The following MTSS1 variants were observed in gnomAD, a reference collection of about 807,000 sequenced individuals.
MTSS1 encodes protein MTSS 1.
Under a neutral mutation model 79.0 loss-of-function variants are expected in MTSS1, and 18 were observed. The observed-to-expected ratio is 0.23, with a 90% CI of 0.16 to 0.34. MTSS1 has a LOEUF of 0.34. Ranked by LOEUF, MTSS1 falls within the 10% of genes least tolerant of loss-of-function variation. MTSS1 has a pLI of 1.00. For synonymous variants in MTSS1, 341 were observed against 368.6 expected, an observed-to-expected ratio of 0.93 and a Z score of 0.86; for missense variants, 815 against 986.2, an observed-to-expected ratio of 0.83 and a Z score of 2.33.
intron 3 of MTSS1, among the ~76,000 whole-genome samples, chr8:124,652,331 G>A (rs1425399784): frequency 1.3e-5 from 2 of 151,934 alleles, no homozygotes; most frequent in Non-Finnish European, 2.9e-5. Context: ...ATGCCACCAT[G>A]CCTGGCTAAT....
chr8:124,631,775 C>T (rs1001118433), intron 3 of MTSS1, among the ~76,000 whole-genome samples: 17 of 152,188 alleles, frequency 1.1e-4, no homozygotes, highest in African/African-American at 4.1e-4. Context: ...CCCATTGTGC[C>T]TTGGGTGGCT....
At chr8:124,624,808 G>T (rs1412364782) in intron 3 of MTSS1, among the ~76,000 whole-genome samples, 1 of 152,230 alleles carries the variant, frequency 6.6e-6, no homozygotes, top group Non-Finnish European at 1.5e-5. Context: ...CGCAGAGCGG[G>T]GAGGTGTGGG....
chr8:124,552,826 A>G lies in MTSS1; in HGVS notation c.*166T>C. ...AAAAGATCAAGATTATGTCAGTTACATAGGTTGGTTTTAATTCTTATCTAA... is the reference window on the plus strand; with the variant it reads ...AAAAGATCAAGATTATGTCAGTTACGTAGGTTGGTTTTAATTCTTATCTAA... On this transcript the variant is annotated 3_prime_UTR_variant, in exon 14 of 14. Coordinates refer to ENST00000518547, the MANE Select transcript of MTSS1 (RefSeq NM_014751.6). The G allele has an allele frequency of 1.7e-6, 1 of 586,530 alleles. No homozygotes were observed. The highest frequency in any genetic ancestry group is 2.9e-6 in the Non-Finnish European group (1 of 339,076). 36.3% of individuals were successfully genotyped at this position (586,530 alleles called of 1,614,324 possible).
At chr8:124,562,713 G>C in intron 10 of MTSS1, 69 bp downstream of exon 10, 1 of 1,481,190 alleles carries the variant, frequency 6.8e-7, no homozygotes, top group Non-Finnish European at 9.4e-7. Flanking sequence ...TGCTTCTTTG[G>C]TTCTGGCCAC....
At position 124,611,419 on chromosome 8, in the gene MTSS1, C is replaced by A. The variant is rs146829556; in HGVS notation, c.209-20184G>T. Among the ~76,000 whole-genome samples, 220 of 152,250 alleles carry A rather than the reference C, an allele frequency of 1.4e-3. 1 individual carries two copies. The highest frequency in any genetic ancestry group is 4.9e-3 in the African/African-American group (202 of 41,522). On this transcript the variant is annotated intron_variant, in intron 3 of 13. Coordinates refer to ENST00000518547, the MANE Select transcript of MTSS1 (RefSeq NM_014751.6). ...CTGTGGAGGAGACTTTCAGGCCCAG[C>A]CGACCTGAACACACGACCTCCAGCT... is the stretch of plus-strand genomic sequence containing the variant.
At chr8:124,702,659 G>A (rs183920851) in intron 2 of MTSS1, among the ~76,000 whole-genome samples, 2 of 152,196 alleles carry the variant, frequency 1.3e-5, no homozygotes, top group Admixed American at 6.5e-5. Context: ...GCAAAGGCCC[G>A]AGAGCATCAC....
chr8:124,583,560 G>T (rs144349205), intron 6 of MTSS1, among the ~76,000 whole-genome samples: 3 of 152,290 alleles, frequency 2.0e-5, no homozygotes, highest in Non-Finnish European at 4.4e-5. Context: ...TAGATAAAAG[G>T]ATTATCACTG....
intron 3 of MTSS1, among the ~76,000 whole-genome samples, chr8:124,634,714 A>C (rs2133876913): frequency 6.6e-6 from 1 of 152,262 alleles, no homozygotes; most frequent in South Asian, 2.1e-4. Flanking sequence ...CAAAAAAAAA[A>C]AATGCTAGCA....
rs1430670634 is a variant in MTSS1 at position 124,552,804 on chromosome 8, A to G, written c.*188T>C. ...AAATTGTCAATATTTACAAATTAAA[A>G]GATCAAGATTATGTCAGTTACATAG... On this transcript the variant is annotated 3_prime_UTR_variant, in exon 14 of 14. Coordinates refer to ENST00000518547, the MANE Select transcript of MTSS1 (RefSeq NM_014751.6). The G allele has an allele frequency of 7.9e-6, 4 of 506,960 alleles. No homozygotes were observed. The highest frequency in any genetic ancestry group is 1.4e-5 in the Non-Finnish European group (4 of 293,146). 31.4% of individuals were successfully genotyped at this position (506,960 alleles called of 1,614,324 possible).
chr8:124,627,985 G>C (rs1181297906), intron 3 of MTSS1, among the ~76,000 whole-genome samples: 1 of 152,160 alleles, frequency 6.6e-6, no homozygotes. Flanking sequence ...TGGCCAACAA[G>C]GTGAAACCCC....
intron 3 of MTSS1, among the ~76,000 whole-genome samples, chr8:124,624,522 A>G (rs550330586): frequency 5.3e-5 from 8 of 151,006 alleles, no homozygotes; most frequent in African/African-American, 2.0e-4. Flanking sequence ...TGGCAGCTCC[A>G]GAGTAATGAC....
intron 3 of MTSS1, among the ~76,000 whole-genome samples, chr8:124,643,248 G>C (rs1818387082): frequency 6.6e-6 from 1 of 152,208 alleles, no homozygotes; most frequent in Middle Eastern, 3.4e-3. Flanking sequence ...TATGCAAAAA[G>C]ATGCACAGGA....
rs1334411984 is a variant in MTSS1 at position 124,582,363 on chromosome 8, AT to A, written c.460+2723del. Among the ~76,000 whole-genome samples the A allele has an allele frequency of 6.6e-6, 1 of 152,206 alleles. No individual in the cohort carries two copies. Among genetic ancestry groups the A allele is most frequent in the African/African-American group, 2.4e-5 (1 of 41,468 alleles). ...GTCGAAGAATGTGATAAAAGGTGGT[AT>A]CTGCAGAGTAAGAAGGAAAGTGAGC... is the stretch of plus-strand genomic sequence containing the variant. On this transcript the variant is annotated intron_variant, in intron 6 of 13. Coordinates refer to ENST00000518547, the MANE Select transcript of MTSS1 (RefSeq NM_014751.6). The surrounding 1 kb of genome is among the most constrained non-coding windows in gnomAD (Gnocchi z 4.8).
In MTSS1 at chr8:124,562,980, A is replaced by G; in HGVS notation, c.837T>C (p.Ser279=). The G allele has an allele frequency of 6.2e-7, 1 of 1,608,546 alleles. No individual in the cohort carries two copies. The highest frequency in any genetic ancestry group is 8.5e-7 in the Non-Finnish European group (1 of 1,177,942). ...TGGACCGGGAGTCACTGCTGTTGAC[A>G]CTGTTCAGGCTGCTGTGGAGGACAA... The part of the protein sequence containing the change: ...RKSSVCSSLN[S]VNSSDSRSSG... The change falls in exon 10 of 14, where the codon AGT becomes AGC. Residue 279 remains serine (S), a synonymous_variant. Transcript: ENST00000518547.
intron 3 of MTSS1, among the ~76,000 whole-genome samples, chr8:124,634,187 G>A (rs1816557835): frequency 6.6e-6 from 1 of 151,200 alleles, no homozygotes; most frequent in African/African-American, 2.4e-5. Context: ...GGCTGTCACT[G>A]CAGCCACAAC....
chr8:124,657,779 C>G (rs1169008554), intron 3 of MTSS1, among the ~76,000 whole-genome samples: 2 of 152,170 alleles, frequency 1.3e-5, no homozygotes, highest in African/African-American at 2.4e-5. Context: ...GCTCACATAC[C>G]CATTATTGGC....
chr8:124,587,964 T>C (rs1160116102), intron 5 of MTSS1, among the ~76,000 whole-genome samples: 2 of 152,242 alleles, frequency 1.3e-5, no homozygotes, highest in African/African-American at 2.4e-5. Context: ...AAGACACGAC[T>C]TCAGGAGTCT....
At chr8:124,697,702 C>A (rs1453661422) in intron 3 of MTSS1, among the ~76,000 whole-genome samples, 1 of 152,170 alleles carries the variant, frequency 6.6e-6, no homozygotes, top group African/African-American at 2.4e-5. Flanking sequence ...ATAGGCCCTG[C>A]AATGGTTTGC....
chr8:124,695,868 T>G (rs1012202132), intron 3 of MTSS1, among the ~76,000 whole-genome samples: 15 of 63,808 alleles, frequency 2.4e-4, no homozygotes, highest in African/African-American at 4.1e-4. Context: ...ACTAGTGTTG[T>G]TTTTTTTTTT....
Sources: allele counts gnomAD v4.1 joint callset (sites outside exome capture counted in the v4.1 genomes callset), GRCh38; gene constraint gnomAD v4.1.1; non-coding constraint Gnocchi (gnomAD v3.1); transcripts MANE v1.5; gene names NCBI Gene and HGNC (gene_info 2026-07-23, HGNC 2026-07-21).